The following MRPS24 variants were observed in gnomAD, a reference collection of about 807,000 sequenced individuals.
MRPS24 encodes the protein mitochondrial ribosomal protein S24, also known as small ribosomal subunit protein uS3m.
In MRPS24, 15 loss-of-function variants were observed where a neutral mutation model predicts 21.8. The ratio of observed to expected loss-of-function variants is 0.69; its 90% CI spans 0.46 to 1.06. MRPS24 has a LOEUF of 1.06. Among genes scored for constraint, MRPS24 ranks in the 50% least tolerant of loss-of-function variants. MRPS24 has a pLI of 0.00. For missense variants in MRPS24, 224 were observed against 219.1 expected (o/e 1.02, Z -0.14); for synonymous variants, 93 against 93.7 (o/e 0.99, Z 0.04).
chr7:43,869,180 G>A lies in MRPS24; in HGVS notation c.109-106C>T, dbSNP rs892123503. 2 of 1,479,712 alleles carry A rather than the reference G, an allele frequency of 1.4e-6. No homozygotes were observed. Among genetic ancestry groups the A allele is most frequent in the East Asian group, 2.5e-5 (1 of 40,272 alleles). The allele number at this position is 1,479,712 out of a possible 1,614,324, so 91.7% of individuals were successfully genotyped here. On this transcript the variant is annotated intron_variant, in intron 2 of 3. Transcript: ENST00000317534. This position sits in a 1 kb window ranked among gnomAD's most constrained non-coding sequence, Gnocchi z 4.8. ...CACTGTTCCCCGGCCCCAATCCCCTGATCCCTAAGCCCCGACCCTAGCCCC... is the reference window on the plus strand; with the variant it reads ...CACTGTTCCCCGGCCCCAATCCCCTAATCCCTAAGCCCCGACCCTAGCCCC...
In MRPS24 at chr7:43,869,035, G is replaced by T; in HGVS notation, c.148C>A (p.Pro50Thr). 6.2e-7 allele frequency: 1 copy of T among 1,613,866 alleles called. No homozygotes were observed. ...GCGTGTGCCTCCTCGTAGGTCACCG[G>T]CTTGTCCCCCTTGCTTACGCGTACT... ...ARVRVSKGDK[P>T]VTYEEAHAPH... The change falls in exon 3 of 4, where the codon CCG becomes ACG. Residue 50 changes from proline to threonine, a missense_variant. Physicochemically the swap from Pro to Thr is conservative, Grantham distance 38. Coordinates refer to ENST00000317534, the MANE Select transcript of MRPS24 (RefSeq NM_032014.3). The surrounding 1 kb of genome is among the most constrained non-coding windows in gnomAD (Gnocchi z 4.8).
At position 43,869,155 on chromosome 7, in the gene MRPS24, C is replaced by A; in HGVS notation, c.109-81G>T. ...GCGCCATGTCCCCCCAGTCAGCTGG[C>A]ACTGTTCCCCGGCCCCAATCCCCTG... On this transcript the variant is annotated intron_variant, in intron 2 of 3. Transcript: ENST00000317534. This position sits in a 1 kb window ranked among gnomAD's most constrained non-coding sequence, Gnocchi z 4.8. 6.6e-7 allele frequency: 1 copy of A among 1,509,178 alleles called. No homozygotes were observed. Among genetic ancestry groups the A allele is most frequent in the Middle Eastern group, 2.2e-4 (1 of 4,648 alleles). 93.5% of individuals were successfully genotyped at this position (1,509,178 alleles called of 1,614,324 possible).
rs2095838969 is a variant in MRPS24, at chr7:43,869,288, C to A, written c.108+20G>T. 1 of 1,533,400 alleles carries A rather than the reference C, an allele frequency of 6.5e-7. No individual in the cohort carries two copies. The highest frequency in any genetic ancestry group is 1.4e-5 in the African/African-American group (1 of 72,694). The allele number at this position is 1,533,400 out of a possible 1,614,324, so 95.0% of individuals were successfully genotyped here. ...CCCCCGGCCCCCAGGCCCCCAGGCCCCTGCCCCGGCGGTGCTCACCTTGGC... is the reference window on the plus strand; with the variant it reads ...CCCCCGGCCCCCAGGCCCCCAGGCCACTGCCCCGGCGGTGCTCACCTTGGC... On this transcript the variant is annotated intron_variant, in intron 2 of 3. Transcript: ENST00000317534. This position sits in a 1 kb window ranked among gnomAD's most constrained non-coding sequence, Gnocchi z 4.8.
At position 43,869,433 on chromosome 7, in the gene MRPS24, G is replaced by A. The variant is rs1458353045; in HGVS notation, c.39+24C>T. ...AGGGACCCCACCTCCGACTCGCAGG[G>A]ACCTGCCGAGTCGCCCCACTCACCC... On this transcript the variant is annotated intron_variant, in intron 1 of 3. Transcript: ENST00000317534. This position sits in a 1 kb window ranked among gnomAD's most constrained non-coding sequence, Gnocchi z 4.8. 2 of 1,555,806 alleles carry A rather than the reference G, an allele frequency of 1.3e-6. No individual in the cohort carries two copies. Among genetic ancestry groups the A allele is most frequent in the Non-Finnish European group, 1.7e-6 (2 of 1,150,590 alleles).
At chr7:43,867,518 C>CTTTTTTTT (rs1325246259) in intron 3 of MRPS24, 1 of 90,728 alleles carries the variant, frequency 1.1e-5, no homozygotes, top group Non-Finnish European at 2.1e-5. Flanking sequence ...GCATCTCTCT[C>CTTTTTTTT]TCTTTTTTTT....
At chr7:43,867,518 C>CTTTTTTT (rs1325246259) in intron 3 of MRPS24, 1 of 90,728 alleles carries the variant, frequency 1.1e-5, no homozygotes, top group Non-Finnish European at 2.1e-5. Flanking sequence ...GCATCTCTCT[C>CTTTTTTT]TCTTTTTTTT....
chr7:43,867,080 AC>A lies in MRPS24; in HGVS notation c.221-99del, dbSNP rs2095837009. On this transcript the variant is annotated intron_variant, in intron 3 of 3. Transcript: ENST00000317534. ...ATCCAAAAGCGCTGAGCACAATCCCACCCTTCACCCCCAGCCTCTTCTCTTT... is the reference window on the plus strand; with the variant it reads ...ATCCAAAAGCGCTGAGCACAATCCCACCTTCACCCCCAGCCTCTTCTCTTT... 3 of 1,223,776 alleles carry A rather than the reference AC, an allele frequency of 2.5e-6. No individual in the cohort carries two copies. In the South Asian group the frequency reaches 4.3e-5, roughly 18 times the overall value. The allele number at this position is 1,223,776 out of a possible 1,614,324, so 75.8% of individuals were successfully genotyped here.
chr7:43,867,073 C>T, intron 3 of MRPS24, 91 bp from the exon 4 acceptor site: 1 of 1,316,294 alleles, frequency 7.6e-7, no homozygotes, highest in Non-Finnish European at 1.1e-6. Flanking sequence ...GCGCTGAGCA[C>T]AATCCCACCC....
Position 43,866,784 on chromosome 7 carries a change from T to G in MRPS24, c.419A>C (p.Glu140Ala), listed in dbSNP as rs536686794. ...HKYYFLVGYS[E>A]TLLSYFYKCP... is the part of the protein sequence containing the mutation. Reference sequence around the variant, plus strand: ...TTTGTAAAAGTAGGACAGCAAAGTTTCACTGTAGCCCACGAGGAAGTAGTA... The same window carrying G: ...TTTGTAAAAGTAGGACAGCAAAGTTGCACTGTAGCCCACGAGGAAGTAGTA... Residue 140 changes from glutamate (E) to alanine (A), a missense_variant, in exon 4 of 4, where the codon GAA becomes GCA. By Grantham distance (107) the Glu-to-Ala change is moderately radical (BLOSUM62 -1). Coordinates refer to ENST00000317534, the MANE Select transcript of MRPS24 (RefSeq NM_032014.3). The G allele has an allele frequency of 6.2e-7, 1 of 1,614,234 alleles. No individual in the cohort carries two copies. The highest frequency in any genetic ancestry group is 1.1e-5 in the South Asian group (1 of 91,090).
rs2095838787 is a variant in MRPS24 at position 43,869,163 on chromosome 7, C to A, written c.109-89G>T. 3.3e-6 allele frequency: 5 copies of A among 1,498,730 alleles called. No individual in the cohort carries two copies. In the South Asian group the frequency reaches 6.4e-5, roughly 19 times the overall value. 92.8% of individuals were successfully genotyped at this position (1,498,730 alleles called of 1,614,324 possible). A position where few individuals can be genotyped will look rare whatever the true frequency, so the allele number is the denominator to read the frequency against. On this transcript the variant is annotated intron_variant, in intron 2 of 3. Transcript: ENST00000317534. This position sits in a 1 kb window ranked among gnomAD's most constrained non-coding sequence, Gnocchi z 4.8. ...TCCCCCCAGTCAGCTGGCACTGTTC[C>A]CCGGCCCCAATCCCCTGATCCCTAA...
chr7:43,868,664 A>G (rs2095838339), intron 3 of MRPS24: 1 of 346,796 alleles, frequency 2.9e-6, no homozygotes. Flanking sequence ...AATTACAGAT[A>G]ACTGACAGGA....
rs754261136 is a variant in MRPS24, at chr7:43,869,320, C to A, written c.96G>T (p.Pro32=). Residue 32 remains proline, a synonymous_variant, in exon 2 of 4, where the codon CCG becomes CCT. Coordinates refer to ENST00000317534, the MANE Select transcript of MRPS24 (RefSeq NM_032014.3). The surrounding 1 kb of genome is among the most constrained non-coding windows in gnomAD (Gnocchi z 4.8). ...PCAWRALHTS[P]VCAKNRAARV... is the part of the protein sequence containing the mutation. ...CGGCGGTGCTCACCTTGGCGCAGAC[C>A]GGGGAGGTGTGCAGGGCGCGCCAAG... The A allele has an allele frequency of 3.9e-6, 6 of 1,545,438 alleles. No homozygotes were observed. The highest frequency in any genetic ancestry group is 5.2e-6 in the Non-Finnish European group (6 of 1,146,416).
At chr7:43,867,241 C>A (rs761311966) in intron 3 of MRPS24, among the ~76,000 whole-genome samples, 1 of 152,210 alleles carries the variant, frequency 6.6e-6, no homozygotes, top group Non-Finnish European at 1.5e-5. Flanking sequence ...AGGCCTGAGT[C>A]AGGGTACAAA....
chr7:43,869,390 G>A lies in MRPS24; in HGVS notation c.40-14C>T. 1 of 1,549,920 alleles carries A rather than the reference G, an allele frequency of 6.5e-7. No homozygotes were observed. The highest frequency in any genetic ancestry group is 8.7e-7 in the Non-Finnish European group (1 of 1,146,850). ...CCAGGACAGCACCTGTGGAGGGAGG[G>A]CGCGTGAGGCGGAAACTAGGGACCC... On this transcript the variant is annotated splice_polypyrimidine_tract_variant and intron_variant, in intron 1 of 3. Transcript: ENST00000317534. The surrounding 1 kb of genome is among the most constrained non-coding windows in gnomAD (Gnocchi z 4.8).
chr7:43,869,267 CGG>C lies in MRPS24; in HGVS notation c.108+39_108+40del. On this transcript the variant is annotated intron_variant, in intron 2 of 3. Coordinates refer to ENST00000317534, the MANE Select transcript of MRPS24 (RefSeq NM_032014.3). This position sits in a 1 kb window ranked among gnomAD's most constrained non-coding sequence, Gnocchi z 4.8. Reference sequence around the variant, plus strand: ...ACGGCTTCCCCGGCCCCCGGCCCCCCGGCCCCCAGGCCCCCAGGCCCCTGCCC... The same window carrying C: ...ACGGCTTCCCCGGCCCCCGGCCCCCCCCCCCAGGCCCCCAGGCCCCTGCCC... 2 of 1,460,592 alleles carry C rather than the reference CGG, an allele frequency of 1.4e-6. No homozygotes were observed. Among genetic ancestry groups the C allele is most frequent in the South Asian group, 1.3e-5 (1 of 75,228 alleles). The allele number at this position is 1,460,592 out of a possible 1,614,324, so 90.5% of individuals were successfully genotyped here.
At chr7:43,868,937 C>T in intron 3 of MRPS24, 26 bp downstream of exon 3, 2 of 1,610,050 alleles carry the variant, frequency 1.2e-6, no homozygotes, top group East Asian at 2.2e-5. Flanking sequence ...TTGAGTGCTC[C>T]TTTTGGAGGC....
chr7:43,866,663 T>C lies in MRPS24; in HGVS notation c.*36A>G. 6.2e-7 allele frequency: 1 copy of C among 1,604,496 alleles called. No homozygotes were observed. Among genetic ancestry groups the C allele is most frequent in the Admixed American group, 1.7e-5 (1 of 59,784 alleles). ...ATTCCTTTCCCACGTTTCCATTCTC[T>C]GCAGGCTACAGCTTGATGGAAAAAA... On this transcript the variant is annotated 3_prime_UTR_variant, in exon 4 of 4. Coordinates refer to ENST00000317534, the MANE Select transcript of MRPS24 (RefSeq NM_032014.3).
chr7:43,868,246 C>G (rs1196439908), intron 3 of MRPS24: 1 of 151,974 alleles, frequency 6.6e-6, no homozygotes, highest in Non-Finnish European at 1.5e-5. Context: ...CATTGCAAGG[C>G]CATTTTAAAC....
At position 43,866,800 on chromosome 7, in the gene MRPS24, G is replaced by C; in HGVS notation, c.403C>G (p.Leu135Val). 1 of 1,614,248 alleles carries C rather than the reference G, an allele frequency of 6.2e-7. No individual in the cohort carries two copies. The highest frequency in any genetic ancestry group is 8.5e-7 in the Non-Finnish European group (1 of 1,180,050). ...RQLSPHKYYFLVGYSETLLSY... is the reference protein window; with the variant it reads ...RQLSPHKYYFVVGYSETLLSY... The stretch of plus-strand genomic sequence containing the variant: ...AGCAAAGTTTCACTGTAGCCCACGA[G>C]GAAGTAGTACTTGTGTGGAGACAAC... Residue 135 changes from leucine to valine, a missense_variant, in exon 4 of 4, where the codon CTC becomes GTC. Transcript: ENST00000317534.
Sources: gnomAD v4.1 joint callset for allele counts (sites outside exome capture counted in the v4.1 genomes callset) on GRCh38, gnomAD v4.1.1 for gene constraint, Gnocchi (gnomAD v3.1) non-coding constraint, MANE v1.5 for transcripts, NCBI Gene and HGNC (gene_info 2026-07-23, HGNC 2026-07-21) for gene names.